The following KLHL1 variants were observed in gnomAD, a reference collection of about 807,000 sequenced individuals.
The protein encoded by KLHL1 is kelch like family member 1, also known as kelch-like protein 1.
A neutral mutation model predicts 77.7 loss-of-function variants in KLHL1; 47 were observed. That is an observed-to-expected ratio of 0.60 (90% CI 0.48 to 0.77). The LOEUF is 0.77. Ranked by LOEUF, KLHL1 falls within the 30% of genes least tolerant of loss-of-function variation. KLHL1 has a pLI of 0.00. For synonymous variants in KLHL1, 360 were observed against 325.2 expected (o/e 1.11, Z -1.15); for missense variants, 925 against 910.8 (o/e 1.02, Z -0.20).
At chr13:69,934,140 A>G (rs993056563) in intron 4 of KLHL1, among the ~76,000 whole-genome samples, 1 of 152,126 alleles carries the variant, frequency 6.6e-6, no homozygotes, top group Admixed American at 6.6e-5. Flanking sequence ...AATTTAATAT[A>G]TTTAACACCT....
intron 1 of KLHL1, among the ~76,000 whole-genome samples, chr13:70,024,997 C>A (rs9572337): frequency 0.84 from 127,367 of 151,854 alleles, 53,870 homozygotes; most frequent in East Asian, 0.92. Flanking sequence ...TTTTTATAAG[C>A]CTCACAATAG....
intron 7 of KLHL1, among the ~76,000 whole-genome samples, chr13:69,776,630 C>T (rs2137993072): frequency 6.6e-6 from 1 of 152,212 alleles, no homozygotes; most frequent in Admixed American, 6.5e-5. Flanking sequence ...GTTTAGCATG[C>T]ACTTTAAGTT....
At chr13:69,781,285 C>CTTTTT (rs869083780) in intron 7 of KLHL1, among the ~76,000 whole-genome samples, 497 of 119,672 alleles carry the variant, frequency 4.2e-3, no homozygotes, top group African/African-American at 7.1e-3. Flanking sequence ...TTTTTTCTTT[C>CTTTTT]TTTTTTTTTT....
intron 10 of KLHL1, among the ~76,000 whole-genome samples, chr13:69,705,355 A>G (rs563102868): frequency 6.6e-6 from 1 of 151,788 alleles, no homozygotes; most frequent in Admixed American, 6.6e-5. Flanking sequence ...AAAGCACAAA[A>G]CTGTTAATCG....
At chr13:70,035,389 T>C (rs551829563) in intron 1 of KLHL1, among the ~76,000 whole-genome samples, 1 of 152,142 alleles carries the variant, frequency 6.6e-6, no homozygotes, top group South Asian at 2.1e-4. Flanking sequence ...TAAAAACAAT[T>C]GAAAACATGA....
chr13:69,921,884 A>T (rs1198125436), intron 4 of KLHL1, among the ~76,000 whole-genome samples: 1 of 150,652 alleles, frequency 6.6e-6, no homozygotes, highest in Admixed American at 6.6e-5. Flanking sequence ...GGGATAAGGG[A>T]GTACTTAGGG....
intron 1 of KLHL1, among the ~76,000 whole-genome samples, chr13:70,002,966 C>T (rs1480258378): frequency 2.0e-5 from 3 of 151,442 alleles, no homozygotes; most frequent in Non-Finnish European, 3.0e-5. Context: ...TAAATACTAC[C>T]TACATACTTG....
chr13:70,009,245 G>T (rs1327588386), intron 1 of KLHL1, among the ~76,000 whole-genome samples: 3 of 152,086 alleles, frequency 2.0e-5, no homozygotes, highest in Non-Finnish European at 4.4e-5. Flanking sequence ...ACACTGCAAT[G>T]AAATCATAGG....
chr13:69,837,186 C>T (rs944397600), intron 6 of KLHL1, among the ~76,000 whole-genome samples: 2 of 151,642 alleles, frequency 1.3e-5, no homozygotes, highest in African/African-American at 2.4e-5. Context: ...TTCTTTCCCA[C>T]CCACTAATTT....
rs1202839942 is a variant in KLHL1 at position 69,708,353 on chromosome 13, T to C, written c.2016-557A>G. The stretch of plus-strand genomic sequence containing the variant: ...GGTCCGCTTTGAGGAAACAGTTAAG[T>C]AGTGTGACTAAGTTCAAGAAAGACT... On this transcript the variant is annotated intron_variant, in intron 9 of 10. Coordinates refer to ENST00000377844, the MANE Select transcript of KLHL1 (RefSeq NM_020866.3). Among the ~76,000 whole-genome samples the C allele has an allele frequency of 3.9e-5, 6 of 152,024 alleles. No homozygotes were observed. The East Asian group carries it at 1.2e-3, about 29-fold the overall frequency.
intron 4 of KLHL1, among the ~76,000 whole-genome samples, chr13:69,901,787 C>CTTTTTTTTTTTTTT (rs1237100844): frequency 1.2e-5 from 1 of 80,146 alleles, no homozygotes; most frequent in African/African-American, 3.9e-5. Context: ...CTTTCTTTTT[C>CTTTTTTTTTTTTTT]TTTTTTTCTT....
rs17085956 is a variant in KLHL1 at position 69,976,572 on chromosome 13, C to T, written c.498-770G>A. Among the ~76,000 whole-genome samples the T allele has an allele frequency of 7.3e-3, 1,107 of 152,010 alleles. 19 individuals are homozygous for T. The highest frequency in any genetic ancestry group is 0.026 in the African/African-American group (1,059 of 41,474). ...GTTTCATGATAGACACATGATAAAG[C>T]CCAGCAGACCCAATCAAGTGTTCTG... On this transcript the variant is annotated intron_variant, in intron 1 of 10. Coordinates refer to ENST00000377844, the MANE Select transcript of KLHL1 (RefSeq NM_020866.3).
chr13:69,738,904 C>T (rs1873872923), intron 8 of KLHL1, among the ~76,000 whole-genome samples: 1 of 151,992 alleles, frequency 6.6e-6, no homozygotes, highest in Admixed American at 6.6e-5. Flanking sequence ...CCAGAGAACC[C>T]CAGTAAGATA....
chr13:69,827,507 G>A (rs1420529444), intron 6 of KLHL1, among the ~76,000 whole-genome samples: 1 of 152,058 alleles, frequency 6.6e-6, no homozygotes, highest in Non-Finnish European at 1.5e-5. Flanking sequence ...CAAGGCGGGT[G>A]GATCATGAGG....
At chr13:69,991,787 C>A (rs1486448494) in intron 1 of KLHL1, among the ~76,000 whole-genome samples, 1 of 151,934 alleles carries the variant, frequency 6.6e-6, no homozygotes, top group Non-Finnish European at 1.5e-5. Context: ...AGAGACTTCT[C>A]CTCAACTCAT....
At chr13:70,099,093 A>C (rs140201854) in intron 1 of KLHL1, among the ~76,000 whole-genome samples, 38 of 152,086 alleles carry the variant, frequency 2.5e-4, no homozygotes, top group African/African-American at 8.7e-4. Context: ...ATAAATATTA[A>C]AAATATGGAA....
chr13:69,832,454 G>C lies in KLHL1; in HGVS notation c.1414+6522C>G, dbSNP rs758750747. ...AACACTGCTGAAAGAAATCATTGAT[G>C]ACAGAAACAAATGGAAACACATCCC... On this transcript the variant is annotated intron_variant, in intron 6 of 10. Coordinates refer to ENST00000377844, the MANE Select transcript of KLHL1 (RefSeq NM_020866.3). Among the ~76,000 whole-genome samples the C allele has an allele frequency of 2.0e-5, 3 of 149,956 alleles. 1 individual carries two copies. Among genetic ancestry groups the C allele is most frequent in the Non-Finnish European group, 4.4e-5 (3 of 67,700 alleles).
At chr13:69,839,568 G>C (rs1294858975) in intron 5 of KLHL1, among the ~76,000 whole-genome samples, 1 of 151,870 alleles carries the variant, frequency 6.6e-6, no homozygotes, top group Non-Finnish European at 1.5e-5. Context: ...TACTGTAAGT[G>C]TTCATATATT....
intron 1 of KLHL1, among the ~76,000 whole-genome samples, chr13:70,059,817 A>G (rs1886833722): frequency 6.6e-6 from 1 of 152,168 alleles, no homozygotes. Flanking sequence ...GGAGGATTTG[A>G]GACTTAAAAG....
Sources: allele counts gnomAD v4.1 joint callset (sites outside exome capture counted in the v4.1 genomes callset), GRCh38; gene constraint gnomAD v4.1.1; transcripts MANE v1.5; gene names NCBI Gene and HGNC (gene_info 2026-07-23, HGNC 2026-07-21).